Variants in PIK3C2A observed in about 807,000 individuals in gnomAD.
PIK3C2A encodes phosphatidylinositol 4-phosphate 3-kinase C2 domain-containing subunit alpha.
Under a neutral mutation model 204.5 loss-of-function variants are expected in PIK3C2A, and 97 were observed. That is an observed-to-expected ratio of 0.47 (90% CI 0.40 to 0.56). The LOEUF (loss-of-function observed/expected upper bound fraction) is 0.56. Ranked by LOEUF, PIK3C2A falls within the 20% of genes least tolerant of loss-of-function variation. PIK3C2A has a pLI of 0.00. For synonymous variants in PIK3C2A, 653 were observed against 664.4 expected (o/e 0.98, Z 0.26); for missense variants, 1,735 against 1,969.2 (o/e 0.88, Z 2.25).
chr11:17,105,923 A>ACTGTGTTGCCTGGGCTGGTCT (rs1848797903), intron 22 of PIK3C2A, among the ~76,000 whole-genome samples: 1 of 152,048 alleles, frequency 6.6e-6, no homozygotes, highest in African/African-American at 2.4e-5. Flanking sequence ...AGCCTGGCCA[A>ACTGTGTTGCCTGGGCTGGTCT]CATGGCAAAA....
intron 13 of PIK3C2A, among the ~76,000 whole-genome samples, chr11:17,126,794 T>C (rs1008861481): frequency 1.3e-5 from 2 of 152,212 alleles, no homozygotes; most frequent in Non-Finnish European, 2.9e-5. Context: ...TATTTAAATG[T>C]CTAGCAGAAG....
In PIK3C2A at chr11:17,122,287, T is replaced by C. The variant is rs1849389925; in HGVS notation, c.2558A>G (p.Gln853Arg). 1.3e-6 allele frequency: 2 copies of C among 1,534,346 alleles called. No homozygotes were observed. Among genetic ancestry groups the C allele is most frequent in the South Asian group, 2.2e-5 (2 of 88,966 alleles). ...PAFDIIYTTPQVDRSIIQQHN... is the reference protein window; with the variant it reads ...PAFDIIYTTPRVDRSIIQQHN... ...TTGCTGTATAATGCTTCTGTCAACT[T>C]GAGGAGTTGTATAAATAATATCAAA... is the stretch of plus-strand genomic sequence containing the variant. Residue 853 changes from glutamine to arginine, a missense_variant, in exon 15 of 33, where the codon CAA (glutamine) becomes CGA (arginine). Coordinates refer to ENST00000691414, the MANE Select transcript of PIK3C2A (RefSeq NM_002645.4).
At chr11:17,144,663 G>C (rs1403119471) in intron 8 of PIK3C2A, among the ~76,000 whole-genome samples, 1 of 152,026 alleles carries the variant, frequency 6.6e-6, no homozygotes, top group Non-Finnish European at 1.5e-5. Context: ...AGATGGCCAA[G>C]GTGGGAGGAT....
intron 32 of PIK3C2A, among the ~76,000 whole-genome samples, chr11:17,091,008 A>G (rs1848295392): frequency 6.6e-6 from 1 of 151,834 alleles, no homozygotes; most frequent in South Asian, 2.1e-4. Context: ...CGGCCTCCCA[A>G]ATTGCTAGGA....
chr11:17,201,525 C>CAAAAAAA (rs869055451), intron 1 of PIK3C2A, among the ~76,000 whole-genome samples: 26 of 28,220 alleles, frequency 9.2e-4, no homozygotes, highest in South Asian at 2.5e-3. Flanking sequence ...GACTCCGTCT[C>CAAAAAAA]AAAAAAAAAA....
chr11:17,099,470 C>A (rs967887637), intron 26 of PIK3C2A, among the ~76,000 whole-genome samples: 5 of 152,132 alleles, frequency 3.3e-5, no homozygotes, highest in African/African-American at 1.2e-4. Flanking sequence ...TCGCTTGAAC[C>A]CAGGAAGCGA....
At chr11:17,115,447 GAGA>G (rs1350479514) in intron 19 of PIK3C2A, among the ~76,000 whole-genome samples, 2 of 149,202 alleles carry the variant, frequency 1.3e-5, no homozygotes, top group African/African-American at 4.9e-5. Flanking sequence ...AGGCTGAAGC[GAGA>G]AGATCACTTG....
At position 17,092,069 on chromosome 11, in the gene PIK3C2A, CTAAG is replaced by C; in HGVS notation, c.4570-5_4570-2del. The C allele has an allele frequency of 6.2e-7, 1 of 1,603,254 alleles. No individual in the cohort carries two copies. On this transcript the variant is annotated splice_acceptor_variant and splice_polypyrimidine_tract_variant and intron_variant, in intron 29 of 32. Transcript: ENST00000691414. LOFTEE classifies it high-confidence loss of function. ...GGAAGAAAGTACAAACAAGATCACA[CTAAG>C]AATAAAGAGAAAGCAATTCATTAGT...
rs1300158973 is a variant in PIK3C2A at position 17,145,925 on chromosome 11, T to C, written c.1578A>G (p.Thr526=). Residue 526 remains threonine (T), a synonymous_variant, in exon 7 of 33, where the codon ACA becomes ACG. Coordinates refer to ENST00000691414, the MANE Select transcript of PIK3C2A (RefSeq NM_002645.4). ...ACAGGTGTTTGTTTAAATCCACGGG[T>C]GTTTCATCATCTTCTGCCTAAACAA... ...NLARTAEDDE[T]PVDLNKHLYQ... 6.2e-7 allele frequency: 1 copy of C among 1,613,108 alleles called. No homozygotes were observed. The highest frequency in any genetic ancestry group is 1.3e-5 in the African/African-American group (1 of 74,912).
rs1381915820 is a variant in PIK3C2A, at chr11:17,092,013, C to G, written c.4625G>C (p.Gly1542Ala). 6.2e-7 allele frequency: 1 copy of G among 1,608,352 alleles called. No individual in the cohort carries two copies. The highest frequency in any genetic ancestry group is 8.5e-7 in the Non-Finnish European group (1 of 1,174,964). Residue 1542 changes from glycine (G) to alanine (A), a missense_variant, in exon 30 of 33, where the codon GGG (glycine) becomes GCG (alanine). Gly to Ala is a moderately conservative substitution (Grantham distance 60, BLOSUM62 0). Transcript: ENST00000691414. ...HPLLRDEKAEGIARSADAGSF... is the reference protein window; with the variant it reads ...HPLLRDEKAEAIARSADAGSF... ...AATCTCACCTGCAGACCTAGCTATCCCTTCAGCTTTCTCATCACGAAGTAA... is the reference window on the plus strand; with the variant it reads ...AATCTCACCTGCAGACCTAGCTATCGCTTCAGCTTTCTCATCACGAAGTAA...
chr11:17,120,972 C>A lies in PIK3C2A; in HGVS notation c.2658-998G>T, dbSNP rs570291353. Among the ~76,000 whole-genome samples the A allele has an allele frequency of 2.2e-4, 33 of 152,108 alleles. 1 individual carries two copies. The highest frequency in any genetic ancestry group is 7.2e-4 in the African/African-American group (30 of 41,498). ...TTACAGGCATGTGCCACCATCTCAG[C>A]CTCCCAAAGTGCTGAGATTACAGGT... On this transcript the variant is annotated intron_variant, in intron 15 of 32. Transcript: ENST00000691414.
intron 8 of PIK3C2A, among the ~76,000 whole-genome samples, chr11:17,144,635 C>T (rs1850169594): frequency 6.6e-6 from 1 of 152,042 alleles, no homozygotes; most frequent in Non-Finnish European, 1.5e-5. Flanking sequence ...TGTCTCATGC[C>T]TGTAACCCTA....
rs548850182 is a variant in PIK3C2A, at chr11:17,168,018, T to A, written c.1065+659A>T. On this transcript the variant is annotated intron_variant, in intron 2 of 32. Coordinates refer to ENST00000691414, the MANE Select transcript of PIK3C2A (RefSeq NM_002645.4). ...AAAACCAAAATTTCTTATTTGCATT[T>A]AAAAAAAAACAGGAATAAGGAAGAG... Among the ~76,000 whole-genome samples the A allele has an allele frequency of 2.4e-3, 364 of 149,772 alleles. 3 individuals carry two copies. The highest frequency in any genetic ancestry group is 0.01 in the South Asian group (49 of 4,726).
chr11:17,194,932 ATT>A (rs1852096053), intron 1 of PIK3C2A, among the ~76,000 whole-genome samples: 1 of 145,238 alleles, frequency 6.9e-6, no homozygotes, highest in African/African-American at 2.5e-5. Context: ...AAAAAGATTA[ATT>A]CTAACTCTTA....
intron 22 of PIK3C2A, among the ~76,000 whole-genome samples, chr11:17,108,406 G>A (rs947270493): frequency 3.3e-5 from 5 of 152,048 alleles, no homozygotes; most frequent in Non-Finnish European, 7.4e-5. Context: ...TTCGAGGCCG[G>A]CCTCGACAAC....
chr11:17,134,715 G>T, intron 11 of PIK3C2A, 104 bp downstream of exon 11: 2 of 819,654 alleles, frequency 2.4e-6, no homozygotes, highest in East Asian at 2.5e-5. Flanking sequence ...TGCCAAGGCT[G>T]GTCTCCAACT....
At chr11:17,152,382 C>A (rs563351818) in intron 3 of PIK3C2A, among the ~76,000 whole-genome samples, 1 of 152,118 alleles carries the variant, frequency 6.6e-6, no homozygotes, top group South Asian at 2.1e-4. Flanking sequence ...TTGCCAAAAA[C>A]CATAAAACAC....
chr11:17,108,336 G>A (rs974162763), intron 22 of PIK3C2A, among the ~76,000 whole-genome samples: 12 of 152,190 alleles, frequency 7.9e-5, no homozygotes, highest in Non-Finnish European at 1.8e-4. Flanking sequence ...GGACACAGCG[G>A]TGCATGCCTA....
At chr11:17,113,174 GC>G (rs1590921163) in intron 20 of PIK3C2A, among the ~76,000 whole-genome samples, 1 of 152,016 alleles carries the variant, frequency 6.6e-6, no homozygotes, top group East Asian at 1.9e-4. Flanking sequence ...ACCACACCCG[GC>G]TAATTTAGAA....
Sources: allele counts gnomAD v4.1 joint callset (sites outside exome capture counted in the v4.1 genomes callset), GRCh38; gene constraint gnomAD v4.1.1; transcripts MANE v1.5; gene names NCBI Gene and HGNC (gene_info 2026-07-23, HGNC 2026-07-21).